XDH: variants seen among roughly 807,000 people sequenced by gnomAD.
XDH encodes the protein xanthine dehydrogenase/oxidase.
In XDH, 138 loss-of-function variants were observed where a neutral mutation model predicts 156.1. The observed-to-expected ratio is 0.88, with a 90% CI of 0.77 to 1.02. XDH has a LOEUF of 1.02. XDH is among the 50% of genes least tolerant of loss of function. XDH has a pLI of 0.00. For missense variants in XDH, 1,849 were observed against 1,684.9 expected (o/e 1.10, Z -1.71); for synonymous variants, 669 against 625.7 (o/e 1.07, Z -1.03).
At chr2:31,386,370 C>G (rs1558307207) in intron 9 of XDH, 44 bp downstream of exon 9, 1 of 1,605,890 alleles carries the variant, frequency 6.2e-7, no homozygotes, top group Admixed American at 1.7e-5. Flanking sequence ...TAGAAACACC[C>G]CCAGACCCCC....
Position 31,342,600 on chromosome 2 carries a change from T to C in XDH, c.3405-303A>G, listed in dbSNP as rs530555092. 5.9e-5 allele frequency among the ~76,000 whole-genome samples: 9 copies of C among 152,156 alleles called. 1 individual carries two copies. In the South Asian group the frequency reaches 6.2e-4, roughly 11 times the overall value. ...AGTAGAAAGAGAGGTAACAGATCCA[T>C]CTGGGCTCACGAAGGACATGAAAGT... is the stretch of plus-strand genomic sequence containing the variant. On this transcript the variant is annotated intron_variant, in intron 31 of 35. Transcript: ENST00000379416.
chr2:31,364,272 T>C (rs1685851260), intron 23 of XDH, 28 bp from the exon 24 acceptor site: 1 of 1,610,044 alleles, frequency 6.2e-7, no homozygotes, highest in Non-Finnish European at 8.5e-7. Flanking sequence ...GAGAGGGATT[T>C]ATCATAAGTC....
At chr2:31,402,690 G>A (rs1217648409) in intron 3 of XDH, among the ~76,000 whole-genome samples, 1 of 152,160 alleles carries the variant, frequency 6.6e-6, no homozygotes, top group Non-Finnish European at 1.5e-5. Flanking sequence ...TGGGCCCATG[G>A]TGAGAAAGAA....
chr2:31,386,113 C>T (rs756471439), intron 9 of XDH, among the ~76,000 whole-genome samples: 16 of 152,138 alleles, frequency 1.1e-4, no homozygotes, highest in Non-Finnish European at 2.1e-4. Context: ...CAAAACAATC[C>T]TTCAAGGAGT....
At chr2:31,385,312 G>A (rs988533747) in intron 9 of XDH, among the ~76,000 whole-genome samples, 1 of 152,200 alleles carries the variant, frequency 6.6e-6, no homozygotes, top group Non-Finnish European at 1.5e-5. Flanking sequence ...CACATTTCTT[G>A]AGGTGTGTCT....
At chr2:31,347,387 TG>T in intron 29 of XDH, 134 bp downstream of exon 29, 2 of 1,335,140 alleles carry the variant, frequency 1.5e-6, no homozygotes, top group Non-Finnish European at 2.1e-6. Flanking sequence ...AGCATCCTCC[TG>T]GATAAGGGAG....
chr2:31,395,255 C>A (rs974289084), intron 6 of XDH, among the ~76,000 whole-genome samples: 5 of 152,094 alleles, frequency 3.3e-5, no homozygotes, highest in African/African-American at 9.7e-5. Context: ...ACTTCACAAG[C>A]GCTTCTCAGG....
chr2:31,338,407 A>G (rs1242863104), intron 34 of XDH, among the ~76,000 whole-genome samples: 2 of 152,186 alleles, frequency 1.3e-5, no homozygotes, highest in African/African-American at 4.8e-5. Flanking sequence ...CACCTATTGG[A>G]GCAAAATTTC....
Position 31,373,653 on chromosome 2 carries a change from G to A in XDH, c.1686+220C>T, listed in dbSNP as rs4549138. 0.3 allele frequency among the ~76,000 whole-genome samples: 45,286 copies of A among 151,962 alleles called. 7,097 individuals are homozygous for A. The highest frequency in any genetic ancestry group is 0.34 in the Non-Finnish European group (22,861 of 67,948). On this transcript the variant is annotated intron_variant, in intron 16 of 35. Coordinates refer to ENST00000379416, the MANE Select transcript of XDH (RefSeq NM_000379.4). ...CTGTAAGGAAGAGGGGCAGCTAAGA[G>A]TTTAATCCCAAAGAGAGAAATTTAG...
intron 24 of XDH, among the ~76,000 whole-genome samples, chr2:31,359,419 C>T (rs72864237): frequency 0.16 from 24,030 of 150,822 alleles, 2,018 homozygotes; most frequent in East Asian, 0.28. Flanking sequence ...TTAGTACAGG[C>T]GAAGTGTCCT....
chr2:31,391,408 G>A (rs1287860418), intron 6 of XDH, among the ~76,000 whole-genome samples: 1 of 152,104 alleles, frequency 6.6e-6, no homozygotes, highest in Non-Finnish European at 1.5e-5. Context: ...CAGCTTTGTA[G>A]TAAATCTTGA....
At chr2:31,378,282 G>A (rs1025950141) in intron 13 of XDH, among the ~76,000 whole-genome samples, 8 of 152,086 alleles carry the variant, frequency 5.3e-5, no homozygotes, top group African/African-American at 1.9e-4. Flanking sequence ...TCCTTCCTGG[G>A]TTCGAGCCAG....
rs1685233580 is a variant in XDH at position 31,344,718 on chromosome 2, C to T, written c.3370G>A (p.Asp1124Asn). ...WEDWVTAAYM[D>N]TVSLSATGFY... is the part of the protein sequence containing the mutation. Reference sequence around the variant, plus strand: ...CCAGTGGCAGACAAGCTCACTGTGTCCATGTAGGCAGCTGTGACCTGAGGA... The same window carrying T: ...CCAGTGGCAGACAAGCTCACTGTGTTCATGTAGGCAGCTGTGACCTGAGGA... Residue 1124 changes from aspartate (D) to asparagine (N), a missense_variant, in exon 31 of 36, where the codon GAC (aspartate) becomes AAC (asparagine). Physicochemically the swap from Asp to Asn is conservative, Grantham distance 23. Coordinates refer to ENST00000379416, the MANE Select transcript of XDH (RefSeq NM_000379.4). The T allele has an allele frequency of 6.2e-7, 1 of 1,614,020 alleles. No homozygotes were observed. Among genetic ancestry groups the T allele is most frequent in the African/African-American group, 1.3e-5 (1 of 74,892 alleles).
At chr2:31,359,142 A>G (rs1469635738) in intron 24 of XDH, among the ~76,000 whole-genome samples, 1 of 152,152 alleles carries the variant, frequency 6.6e-6, no homozygotes. Flanking sequence ...AAGACAGACA[A>G]TACCAAGTGT....
At chr2:31,373,641 G>C (rs1686142037) in intron 16 of XDH, among the ~76,000 whole-genome samples, 1 of 152,000 alleles carries the variant, frequency 6.6e-6, no homozygotes, top group African/African-American at 2.4e-5. Flanking sequence ...TAAGGAAGAG[G>C]GGCAGCTAAG....
intron 24 of XDH, among the ~76,000 whole-genome samples, chr2:31,359,413 T>C (rs1194729204): frequency 6.6e-6 from 1 of 151,106 alleles, no homozygotes; most frequent in East Asian, 1.9e-4. Context: ...GCCCTTTTAG[T>C]ACAGGCGAAG....
At position 31,379,972 on chromosome 2, in the gene XDH, G is replaced by T. The variant is rs768348564; in HGVS notation, c.1137C>A (p.Thr379=). ...GAKLTLVSRG[T]RRTVQMDHTF... ...TGTGGTCCATCTGGACAGTTCTCCT[G>T]GTGCCTGTACAGAAGCAAGATGAAG... is the stretch of plus-strand genomic sequence containing the variant. Residue 379 remains threonine (T), a synonymous_variant, in exon 13 of 36, where the codon ACC becomes ACA. Transcript: ENST00000379416. 3.7e-6 allele frequency: 6 copies of T among 1,613,916 alleles called. No individual in the cohort carries two copies. The East Asian group carries it at 1.1e-4, about 30-fold the overall frequency.
Position 31,372,406 on chromosome 2 carries a change from A to G in XDH, c.1687-9T>C. On this transcript the variant is annotated splice_polypyrimidine_tract_variant and intron_variant, in intron 16 of 35. Transcript: ENST00000379416. ...TGACCCTTGGGCACCTCCTGGAATG[A>G]CAGGGTCATCAATCAGGGTGAGCTG... 1 of 1,613,940 alleles carries G rather than the reference A, an allele frequency of 6.2e-7. No individual in the cohort carries two copies. Among genetic ancestry groups the G allele is most frequent in the Non-Finnish European group, 8.5e-7 (1 of 1,180,024 alleles).
chr2:31,344,939 C>T (rs918753949), intron 30 of XDH, among the ~76,000 whole-genome samples: 2 of 152,228 alleles, frequency 1.3e-5, no homozygotes, highest in African/African-American at 4.8e-5. Flanking sequence ...ACACTGTAGT[C>T]ACCTCTTAAC....
Sources: gnomAD v4.1 joint callset for allele counts (sites outside exome capture counted in the v4.1 genomes callset) on GRCh38, gnomAD v4.1.1 for gene constraint, MANE v1.5 for transcripts, NCBI Gene and HGNC (gene_info 2026-07-23, HGNC 2026-07-21) for gene names.